The following HDAC4 variants were observed in gnomAD, a reference collection of about 807,000 sequenced individuals.
The protein encoded by HDAC4 is histone deacetylase 4.
A neutral mutation model predicts 135.1 loss-of-function variants in HDAC4; 16 were observed. The ratio of observed to expected loss-of-function variants is 0.12; its 90% CI spans 0.08 to 0.18. HDAC4 has a LOEUF of 0.18. Among genes scored for constraint, HDAC4 ranks in the 10% least tolerant of loss-of-function variants. The pLI, the probability that HDAC4 is intolerant of heterozygous loss-of-function variation, is 1.00. For synonymous variants in HDAC4, 685 were observed against 653.4 expected (o/e 1.05, Z -0.74); for missense variants, 1,143 against 1,511.8 (o/e 0.76, Z 4.05).
At chr2:239,382,727 TTC>T (rs1444173722) in intron 1 of HDAC4, among the ~76,000 whole-genome samples, 1 of 151,982 alleles carries the variant, frequency 6.6e-6, no homozygotes, top group African/African-American at 2.4e-5. Context: ...CACTTTCTTT[TTC>T]TTTTTTTTTT....
intron 1 of HDAC4, among the ~76,000 whole-genome samples, chr2:239,373,427 C>T (rs545543447): frequency 6.6e-6 from 1 of 152,268 alleles, no homozygotes; most frequent in East Asian, 1.9e-4. Flanking sequence ...TCTTTCTCTC[C>T]AGTTTGGAAG....
At chr2:239,293,843 C>T (rs892209232) in intron 2 of HDAC4, among the ~76,000 whole-genome samples, 1 of 152,256 alleles carries the variant, frequency 6.6e-6, no homozygotes, top group Non-Finnish European at 1.5e-5. Flanking sequence ...AAAAACCTGA[C>T]GGCGAGAACG....
At chr2:239,231,250 C>T (rs1397257101) in intron 3 of HDAC4, among the ~76,000 whole-genome samples, 5 of 152,210 alleles carry the variant, frequency 3.3e-5, no homozygotes, top group African/African-American at 4.8e-5. Context: ...AACCGTGGAA[C>T]GTGCTTCTCT....
chr2:239,229,939 C>A (rs551846443), intron 3 of HDAC4, among the ~76,000 whole-genome samples: 4 of 152,228 alleles, frequency 2.6e-5, no homozygotes, highest in East Asian at 1.9e-4. Context: ...ATTTCCCCCC[C>A]AAGAGGCAGT....
Position 239,352,569 on chromosome 2 carries a change from A to G in HDAC4, c.22+109T>C. On this transcript the variant is annotated intron_variant, in intron 2 of 26. Transcript: ENST00000543185. The surrounding 1 kb of genome is among the most constrained non-coding windows in gnomAD (Gnocchi z 4.4). The stretch of plus-strand genomic sequence containing the variant: ...CAAAAACCAACAGTGACCACTATCA[A>G]GAAAAACAAAAGTCTCAAATCCAGA... The G allele has an allele frequency of 9.1e-7, 1 of 1,099,176 alleles. No individual in the cohort carries two copies. Among genetic ancestry groups the G allele is most frequent in the South Asian group, 1.3e-5 (1 of 75,064 alleles). 68.1% of individuals were successfully genotyped at this position (1,099,176 alleles called of 1,614,324 possible).
chr2:239,115,891 C>T lies in HDAC4; in HGVS notation c.1534-581G>A, dbSNP rs1373618760. Among the ~76,000 whole-genome samples, 2 of 152,126 alleles carry T rather than the reference C, an allele frequency of 1.3e-5. No individual in the cohort carries two copies. The highest frequency in any genetic ancestry group is 2.9e-5 in the Non-Finnish European group (2 of 68,020). On this transcript the variant is annotated intron_variant, in intron 12 of 26. Transcript: ENST00000543185. This position sits in a 1 kb window ranked among gnomAD's most constrained non-coding sequence, Gnocchi z 6.3. ...TTCCTGCTGAATCCCAGGGATGCCA[C>T]GGCCTCCCCTTCTGCAGGATCTCAG...
At chr2:239,119,104 G>A (rs924538790) in intron 12 of HDAC4, among the ~76,000 whole-genome samples, 4 of 152,196 alleles carry the variant, frequency 2.6e-5, no homozygotes, top group African/African-American at 9.7e-5. Flanking sequence ...GCACCCATAC[G>A]CTCAGTTCCT....
At chr2:239,276,730 C>G (rs2050390720) in intron 2 of HDAC4, among the ~76,000 whole-genome samples, 1 of 152,226 alleles carries the variant, frequency 6.6e-6, no homozygotes, top group Non-Finnish European at 1.5e-5. Flanking sequence ...ACACTGCTCG[C>G]TGCCCAGACA....
rs960533858 is a variant in HDAC4, at chr2:239,400,073, G to T, written c.-220+905C>A. Among the ~76,000 whole-genome samples, 1 of 152,030 alleles carries T rather than the reference G, an allele frequency of 6.6e-6. No homozygotes were observed. The highest frequency in any genetic ancestry group is 2.4e-5 in the African/African-American group (1 of 41,414). On this transcript the variant is annotated intron_variant, in intron 1 of 26. Transcript: ENST00000543185. The surrounding 1 kb of genome is among the most constrained non-coding windows in gnomAD (Gnocchi z 4.7). ...GCTCAATGTAAATACGAGATAATTT[G>T]CTTATGATTCCGTGGTGTGTTTTCG...
chr2:239,106,600 G>A (rs1028204862), intron 15 of HDAC4, among the ~76,000 whole-genome samples: 1 of 152,216 alleles, frequency 6.6e-6, no homozygotes, highest in Non-Finnish European at 1.5e-5. Context: ...CCTCCCAGAG[G>A]GCACTGCAGG....
intron 17 of HDAC4, chr2:239,091,435 A>C (rs1021134804): frequency 1.3e-5 from 2 of 152,232 alleles, no homozygotes; most frequent in African/African-American, 4.8e-5. Context: ...CAGCTTCCAC[A>C]CGGTGCTGAC....
chr2:239,242,121 AAAG>A (rs1012962017), intron 2 of HDAC4, among the ~76,000 whole-genome samples: 6 of 151,748 alleles, frequency 4.0e-5, no homozygotes, highest in African/African-American at 1.5e-4. Context: ...AGAAAGAAAG[AAAG>A]AAGGAGAAAG....
chr2:239,233,898 T>G (rs1048795948), intron 3 of HDAC4, among the ~76,000 whole-genome samples: 3 of 152,194 alleles, frequency 2.0e-5, no homozygotes, highest in Admixed American at 2.0e-4. Flanking sequence ...CATCAAAATG[T>G]CTAAAGAATA....
intron 1 of HDAC4, among the ~76,000 whole-genome samples, chr2:239,394,297 C>T (rs1362667558): frequency 6.6e-6 from 1 of 152,194 alleles, no homozygotes; most frequent in African/African-American, 2.4e-5. Context: ...ACAGAGCAGA[C>T]TCCAAAATGT....
At position 239,349,668 on chromosome 2, in the gene HDAC4, G is replaced by A. The variant is rs1559378282; in HGVS notation, c.22+3010C>T. Reference sequence around the variant, plus strand: ...GCCGCTGGGCCACCAGCCAGTGTGTGCAGGTGGTGGTATGCACGTGTTGGG... The same window carrying A: ...GCCGCTGGGCCACCAGCCAGTGTGTACAGGTGGTGGTATGCACGTGTTGGG... On this transcript the variant is annotated intron_variant, in intron 2 of 26. Coordinates refer to ENST00000543185, the MANE Select transcript of HDAC4 (RefSeq NM_001378414.1). The surrounding 1 kb of genome is among the most constrained non-coding windows in gnomAD (Gnocchi z 5.7). Among the ~76,000 whole-genome samples, 6 of 152,256 alleles carry A rather than the reference G, an allele frequency of 3.9e-5. No individual in the cohort carries two copies. The highest frequency in any genetic ancestry group is 3.9e-4 in the Admixed American group (6 of 15,292).
In HDAC4 at chr2:239,320,336, C is replaced by T. The variant is rs543334843; in HGVS notation, c.22+32342G>A. ...GGCGGAGGGTGCAGTGAGTCGAGATCGCACCATTGCACTCCAGCCTGGGGA... is the reference window on the plus strand; with the variant it reads ...GGCGGAGGGTGCAGTGAGTCGAGATTGCACCATTGCACTCCAGCCTGGGGA... On this transcript the variant is annotated intron_variant, in intron 2 of 26. Transcript: ENST00000543185. Among the ~76,000 whole-genome samples, 8 of 144,862 alleles carry T rather than the reference C, an allele frequency of 5.5e-5. No homozygotes were observed. The South Asian group carries it at 6.6e-4, about 12-fold the overall frequency.
At chr2:239,140,591 G>A (rs1400122329) in intron 8 of HDAC4, among the ~76,000 whole-genome samples, 1 of 152,218 alleles carries the variant, frequency 6.6e-6, no homozygotes, top group East Asian at 1.9e-4. Flanking sequence ...TCTGGTTAAA[G>A]CTTTCCAAAG....
chr2:239,191,631 C>T (rs139601836), intron 3 of HDAC4, among the ~76,000 whole-genome samples: 111 of 152,328 alleles, frequency 7.3e-4, no homozygotes, highest in African/African-American at 2.6e-3. Flanking sequence ...CCTGGGTTGC[C>T]GCTTAGCCGT....
chr2:239,166,545 T>A (rs571593247), intron 5 of HDAC4, among the ~76,000 whole-genome samples: 4 of 152,180 alleles, frequency 2.6e-5, no homozygotes, highest in African/African-American at 9.6e-5. Flanking sequence ...GACTCGAACA[T>A]CACTTAGAAG....
Sources: gnomAD v4.1 joint callset for allele counts (sites outside exome capture counted in the v4.1 genomes callset) on GRCh38, gnomAD v4.1.1 for gene constraint, Gnocchi (gnomAD v3.1) non-coding constraint, MANE v1.5 for transcripts, NCBI Gene and HGNC (gene_info 2026-07-23, HGNC 2026-07-21) for gene names.